SLIT3: variants seen among roughly 807,000 people sequenced by gnomAD.
SLIT3 encodes the protein slit guidance ligand 3.
In SLIT3, 68 loss-of-function variants were observed where a neutral mutation model predicts 184.0. The ratio of observed to expected loss-of-function variants is 0.37; its 90% CI spans 0.30 to 0.45. SLIT3 has a LOEUF of 0.45. Ranked by LOEUF, SLIT3 falls within the 20% of genes least tolerant of loss-of-function variation. The pLI is 1.00. For synonymous variants in SLIT3, 831 were observed against 828.6 expected (o/e 1.00, Z -0.05); for missense variants, 1,707 against 2,026.0 (o/e 0.84, Z 3.02).
At chr5:168,834,947 C>T (rs1331757430) in intron 6 of SLIT3, among the ~76,000 whole-genome samples, 4 of 152,156 alleles carry the variant, frequency 2.6e-5, no homozygotes, top group African/African-American at 7.2e-5. Context: ...AATAAGGTAG[C>T]CATGAGCTAC....
chr5:169,001,089 A>C (rs1316836087), intron 4 of SLIT3, among the ~76,000 whole-genome samples: 1 of 152,244 alleles, frequency 6.6e-6, no homozygotes, highest in Admixed American at 6.5e-5. Context: ...GCAAATCCAT[A>C]GTACTTTTCA....
chr5:169,237,228 C>A (rs1765233218), intron 3 of SLIT3, among the ~76,000 whole-genome samples: 1 of 152,192 alleles, frequency 6.6e-6, no homozygotes, highest in Non-Finnish European at 1.5e-5. Flanking sequence ...GGATACCCCA[C>A]TCTCCTACAT....
intron 4 of SLIT3, among the ~76,000 whole-genome samples, chr5:168,956,243 A>G (rs1245616723): frequency 6.6e-6 from 1 of 152,204 alleles, no homozygotes; most frequent in Non-Finnish European, 1.5e-5. Context: ...AACAAAAGTC[A>G]TCTTCAAAAC....
At chr5:168,924,506 GTA>G (rs61160444) in intron 4 of SLIT3, among the ~76,000 whole-genome samples, 4,546 of 135,066 alleles carry the variant, frequency 0.034, 97 homozygotes, top group African/African-American at 0.089. Flanking sequence ...GTGTGTGTGT[GTA>G]TGTGTGTGTG....
intron 9 of SLIT3, 51 bp from the exon 10 acceptor site, chr5:168,795,629 T>A: frequency 6.9e-7 from 1 of 1,444,014 alleles, no homozygotes; most frequent in Non-Finnish European, 9.8e-7. Context: ...TGTCAACAAG[T>A]GGTCACTGAG....
chr5:168,875,059 GGAAGGAAA>G (rs1759679097), intron 5 of SLIT3, among the ~76,000 whole-genome samples: 2 of 141,820 alleles, frequency 1.4e-5, no homozygotes, highest in Admixed American at 7.0e-5. Context: ...GTGGAAGAAA[GGAAGGAAA>G]GAAGGGAGGA....
In SLIT3 at chr5:169,114,088, A is replaced by G. The variant is rs117967278; in HGVS notation, c.413+79391T>C. Among the ~76,000 whole-genome samples the G allele has an allele frequency of 2.2e-3, 329 of 152,334 alleles. 14 individuals are homozygous for G. In the East Asian group the frequency reaches 0.056, roughly 26 times the overall value. ...AGTGTGGCAGAGACTCTTCATCCCT[A>G]GCAGCAGCTCAACTACCCTCCCCCA... On this transcript the variant is annotated intron_variant, in intron 4 of 35. Coordinates refer to ENST00000519560, the MANE Select transcript of SLIT3 (RefSeq NM_003062.4).
At position 168,847,073 on chromosome 5, in the gene SLIT3, G is replaced by C. The variant is rs17554244; in HGVS notation, c.486-2418C>G. Among the ~76,000 whole-genome samples the C allele has an allele frequency of 4.2e-3, 647 of 152,334 alleles. 2 individuals carry two copies. Among genetic ancestry groups the C allele is most frequent in the Non-Finnish European group, 6.9e-3 (472 of 68,022 alleles). ...GGACAAGAGTCTTTGAGAGGGCTCT[G>C]ATCATTTTCAGGCTAAAAGCAGAGA... On this transcript the variant is annotated intron_variant, in intron 5 of 35. Transcript: ENST00000519560.
chr5:168,899,456 A>G (rs1381278019), intron 4 of SLIT3, among the ~76,000 whole-genome samples: 1 of 152,136 alleles, frequency 6.6e-6, no homozygotes, highest in Non-Finnish European at 1.5e-5. Context: ...TGAGGTTACA[A>G]TGAGCTGTGA....
chr5:168,791,982 G>A (rs1270167950), intron 10 of SLIT3: 1 of 152,176 alleles, frequency 6.6e-6, no homozygotes, highest in African/African-American at 2.4e-5. Flanking sequence ...CCATGTATAA[G>A]TGAGAACATT....
Position 168,838,163 on chromosome 5 carries a change from A to T in SLIT3, c.557+6421T>A, listed in dbSNP as rs112608694. 7.3e-3 allele frequency among the ~76,000 whole-genome samples: 1,107 copies of T among 152,262 alleles called. 16 individuals are homozygous for T. The highest frequency in any genetic ancestry group is 0.025 in the African/African-American group (1,047 of 41,530). On this transcript the variant is annotated intron_variant, in intron 6 of 35. Transcript: ENST00000519560. ...TGTTCCGGTAGGTGCTTTTAATTTT[A>T]ATTTTTATTTTTGTTAAGGGCAGGT...
chr5:168,938,515 A>G (rs1762232146), intron 4 of SLIT3, among the ~76,000 whole-genome samples: 1 of 152,258 alleles, frequency 6.6e-6, no homozygotes, highest in Non-Finnish European at 1.5e-5. Flanking sequence ...TTTCTAGAAC[A>G]AATACTGATA....
In SLIT3 at chr5:168,907,963, TATATATATATATATATAGAG is replaced by T. The variant is rs1562000095; in HGVS notation, c.414-24647_414-24628del. Among the ~76,000 whole-genome samples, 490 of 79,294 alleles carry T rather than the reference TATATATATATATATATAGAG, an allele frequency of 6.2e-3. 3 individuals are homozygous for T. Among genetic ancestry groups the T allele is most frequent in the East Asian group, 0.015 (43 of 2,888 alleles). 52.0% of individuals were successfully genotyped at this position (79,294 alleles called of 152,430 possible). A position where few individuals can be genotyped will look rare whatever the true frequency, so the allele number is the denominator to read the frequency against. ...ATACGTGTATATATATATATATATA[TATATATATATATATATAGAG>T]AGAGAGAGAGAGAGAGAGAGAGAGG... On this transcript the variant is annotated intron_variant, in intron 4 of 35. Coordinates refer to ENST00000519560, the MANE Select transcript of SLIT3 (RefSeq NM_003062.4).
At chr5:169,039,289 G>A (rs537850697) in intron 4 of SLIT3, among the ~76,000 whole-genome samples, 1 of 150,998 alleles carries the variant, frequency 6.6e-6, no homozygotes, top group East Asian at 2.0e-4. Context: ...ACCAAACAGT[G>A]CTCCGTAAGA....
rs544503430 is a variant in SLIT3 at position 168,839,585 on chromosome 5, A to G, written c.557+4999T>C. ...CAATTTTTAAAAAACATTCCACAGG[A>G]CAAAAGAAAAATCTCACCTATGGGA... On this transcript the variant is annotated intron_variant, in intron 6 of 35. Transcript: ENST00000519560. Among the ~76,000 whole-genome samples, 3 of 152,292 alleles carry G rather than the reference A, an allele frequency of 2.0e-5. No homozygotes were observed. In the South Asian group the frequency reaches 6.2e-4, roughly 32 times the overall value.
chr5:168,841,946 T>C (rs935198717), intron 6 of SLIT3, among the ~76,000 whole-genome samples: 2 of 152,218 alleles, frequency 1.3e-5, no homozygotes, highest in Non-Finnish European at 2.9e-5. Flanking sequence ...TTTCTGGGGA[T>C]AGGATGTTTT....
At chr5:169,222,423 C>G (rs752345506) in intron 3 of SLIT3, among the ~76,000 whole-genome samples, 1 of 152,032 alleles carries the variant, frequency 6.6e-6, no homozygotes, top group Admixed American at 6.6e-5. Flanking sequence ...CCCACCATTG[C>G]TAGTAAAGAA....
chr5:169,254,094 C>T (rs1344430221), intron 1 of SLIT3, among the ~76,000 whole-genome samples: 1 of 151,988 alleles, frequency 6.6e-6, no homozygotes, highest in Non-Finnish European at 1.5e-5. Context: ...CCCAACTCCA[C>T]ACAGCTGGGT....
intron 31 of SLIT3, among the ~76,000 whole-genome samples, chr5:168,684,804 A>G (rs533167840): frequency 3.5e-4 from 53 of 152,268 alleles, no homozygotes; most frequent in South Asian, 1.2e-3. Context: ...AACAATGATA[A>G]TTAATTCAAT....
Sources: gnomAD v4.1 joint callset for allele counts (sites outside exome capture counted in the v4.1 genomes callset) on GRCh38, gnomAD v4.1.1 for gene constraint, MANE v1.5 for transcripts, NCBI Gene and HGNC (gene_info 2026-07-23, HGNC 2026-07-21) for gene names.